CHCT1: variants seen among roughly 807,000 people sequenced by gnomAD.
CHCT1 encodes the protein CHD1 helical C-terminal domain containing 1.
At chr17:60,423,196 CTT>C in the CHCT1 span, among the ~76,000 whole-genome samples, 15 of 144,430 alleles carry the variant, frequency 1.0e-4, no homozygotes, top group Non-Finnish European at 1.2e-4. Context: ...TTTCTTTGTT[CTT>C]TTTTTTTTTT....
the CHCT1 span, among the ~76,000 whole-genome samples, chr17:60,430,440 T>C: frequency 6.6e-6 from 1 of 152,136 alleles, no homozygotes; most frequent in African/African-American, 2.4e-5. Flanking sequence ...ACCTATGTGG[T>C]ATTTCTTTGG....
At chr17:60,426,688 C>T in the CHCT1 span, 1 of 1,595,914 alleles carries the variant, frequency 6.3e-7, no homozygotes, top group Non-Finnish European at 8.5e-7. Context: ...TGTGCTCCAC[C>T]TCCCCAGCCT....
At chr17:60,428,360 C>T in the CHCT1 span, among the ~76,000 whole-genome samples, 2 of 152,172 alleles carry the variant, frequency 1.3e-5, no homozygotes, top group Admixed American at 1.3e-4. Flanking sequence ...ACCAAGTCCT[C>T]TCCCTCTCTG....
chr17:60,430,732 C>T, the CHCT1 span, among the ~76,000 whole-genome samples: 1 of 152,230 alleles, frequency 6.6e-6, no homozygotes, highest in Non-Finnish European at 1.5e-5. Context: ...TCATCCGCCT[C>T]AGCTTCCCGA....
At chr17:60,421,931 G>C in the CHCT1 span, 5 of 985,666 alleles carry the variant, frequency 5.1e-6, no homozygotes, top group Non-Finnish European at 6.0e-6. Flanking sequence ...CTGCCCCAGG[G>C]AAGGCCGCGG....
the CHCT1 span, chr17:60,426,709 C>T: frequency 3.1e-6 from 5 of 1,607,912 alleles, no homozygotes; most frequent in East Asian, 6.7e-5. Flanking sequence ...AGGGTCTCCC[C>T]CTTTGCAGGA....
At chr17:60,422,189 C>G in the CHCT1 span, 1 of 283,394 alleles carries the variant, frequency 3.5e-6, no homozygotes, top group Non-Finnish European at 6.6e-6. Context: ...CCCACCACGG[C>G]GTAACCCAGC....
the CHCT1 span, among the ~76,000 whole-genome samples, chr17:60,428,544 A>G: frequency 6.7e-6 from 1 of 148,814 alleles, no homozygotes; most frequent in Non-Finnish European, 1.5e-5. Flanking sequence ...CTGGAGTGCA[A>G]TGGTGAGATC....
At chr17:60,431,033 G>A in the CHCT1 span, 1 of 582,584 alleles carries the variant, frequency 1.7e-6, no homozygotes, top group Admixed American at 3.1e-5. Context: ...GGGTTTCTGT[G>A]AGAAAAAACT....
At chr17:60,421,586 G>A in the CHCT1 span, 1 of 984,682 alleles carries the variant, frequency 1.0e-6, no homozygotes, top group Admixed American at 6.1e-5. Context: ...CTCGAGTGAG[G>A]AAACTGCGGG....
chr17:60,429,296 C>A, the CHCT1 span: 11 of 1,515,588 alleles, frequency 7.3e-6, no homozygotes, highest in Non-Finnish European at 9.9e-6. Context: ...AAATGCGGTG[C>A]TGGGACTCTA....
chr17:60,421,664 G>C, the CHCT1 span: 1 of 910,964 alleles, frequency 1.1e-6, no homozygotes, highest in Non-Finnish European at 1.3e-6. Flanking sequence ...CGCTGCTGCC[G>C]CGCCAGGGGC....
At chr17:60,425,949 G>T in the CHCT1 span, 1 of 1,410,342 alleles carries the variant, frequency 7.1e-7, no homozygotes. Flanking sequence ...CCTGAGTCAG[G>T]AAATGGCAGG....
chr17:60,425,798 T>C, the CHCT1 span: 4 of 1,551,322 alleles, frequency 2.6e-6, no homozygotes, highest in African/African-American at 1.4e-5. Flanking sequence ...AAATGTGTCA[T>C]GCCTGGAGAC....
At chr17:60,429,040 C>T in the CHCT1 span, among the ~76,000 whole-genome samples, 2 of 151,812 alleles carry the variant, frequency 1.3e-5, no homozygotes, top group Admixed American at 1.3e-4. Context: ...GTAAGGCTCC[C>T]AATTTAATTT....
chr17:60,426,379 G>A, the CHCT1 span: 2 of 1,501,888 alleles, frequency 1.3e-6, no homozygotes, highest in Admixed American at 2.3e-5. Context: ...CTACTCCTGG[G>A]CAACCCCCTC....
the CHCT1 span, among the ~76,000 whole-genome samples, chr17:60,430,308 A>T: frequency 6.6e-6 from 1 of 151,764 alleles, no homozygotes; most frequent in South Asian, 2.1e-4. Flanking sequence ...TTTTGGCTAG[A>T]GGCTACATAA....
chr17:60,427,386 A>G, the CHCT1 span, among the ~76,000 whole-genome samples: 1 of 151,828 alleles, frequency 6.6e-6, no homozygotes, highest in Non-Finnish European at 1.5e-5. Context: ...GGTGTGTCTT[A>G]GGGAGAGGTG....
At chr17:60,422,040 G>T in the CHCT1 span, 1 of 819,428 alleles carries the variant, frequency 1.2e-6, no homozygotes, top group Non-Finnish European at 1.5e-6. Context: ...CCAGCACGGA[G>T]GGCTTATTAT....
Sources: allele counts gnomAD v4.1 joint callset (sites outside exome capture counted in the v4.1 genomes callset), GRCh38; gene constraint gnomAD v4.1.1; transcripts MANE v1.5; gene names NCBI Gene and HGNC (gene_info 2026-07-23, HGNC 2026-07-21).